Variants in COMMD1 observed in about 807,000 individuals in gnomAD.
COMMD1 encodes COMM domain-containing protein 1.
In COMMD1, 10 loss-of-function variants were observed where a neutral mutation model predicts 17.2. The ratio of observed to expected loss-of-function variants is 0.58; its 90% CI spans 0.36 to 0.99. COMMD1 has a LOEUF of 0.99. Among genes scored for constraint, COMMD1 ranks in the 50% least tolerant of loss-of-function variants. The pLI, the probability that COMMD1 is intolerant of heterozygous loss-of-function variation, is 0.01. For missense variants in COMMD1, 270 were observed against 231.8 expected (o/e 1.17, Z -1.07); for synonymous variants, 97 against 91.6 (o/e 1.06, Z -0.34).
At chr2:62,063,412 A>C (rs1280594116) in intron 2 of COMMD1, among the ~76,000 whole-genome samples, 1 of 151,814 alleles carries the variant, frequency 6.6e-6, no homozygotes, top group African/African-American at 2.4e-5. Flanking sequence ...GGATGGTCTT[A>C]ATCTCCTGAC....
chr2:62,002,985 C>A (rs1257530972), intron 2 of COMMD1, among the ~76,000 whole-genome samples: 1 of 152,160 alleles, frequency 6.6e-6, no homozygotes, highest in East Asian at 1.9e-4. Flanking sequence ...GTAATCCCAG[C>A]ACTTTGGGAG....
intron 1 of COMMD1, among the ~76,000 whole-genome samples, chr2:61,996,739 G>A (rs1668768620): frequency 6.6e-6 from 1 of 152,150 alleles, no homozygotes; most frequent in Non-Finnish European, 1.5e-5. Context: ...ATTCAAGTTT[G>A]ATCATAAGAT....
chr2:61,896,258 T>C (rs1381692529), intron 1 of COMMD1, among the ~76,000 whole-genome samples: 1 of 152,194 alleles, frequency 6.6e-6, no homozygotes, highest in Non-Finnish European at 1.5e-5. Context: ...CTCCAGTTCC[T>C]TTGCCACACT....
chr2:62,042,388 C>T (rs1270728546), intron 2 of COMMD1, among the ~76,000 whole-genome samples: 1 of 152,234 alleles, frequency 6.6e-6, no homozygotes, highest in Non-Finnish European at 1.5e-5. Flanking sequence ...AAGTCCCTAC[C>T]CAACCCAGAA....
chr2:61,980,824 C>G (rs1235076873), intron 1 of COMMD1, among the ~76,000 whole-genome samples: 1 of 152,116 alleles, frequency 6.6e-6, no homozygotes, highest in Non-Finnish European at 1.5e-5. Flanking sequence ...AGTCCTTGCC[C>G]ACGCCTATGG....
chr2:61,930,383 C>G (rs879801777), intron 1 of COMMD1, among the ~76,000 whole-genome samples: 1 of 152,026 alleles, frequency 6.6e-6, no homozygotes, highest in Non-Finnish European at 1.5e-5. Flanking sequence ...TGGTGAAACC[C>G]CATCTCTACT....
intron 2 of COMMD1, among the ~76,000 whole-genome samples, chr2:62,117,139 C>G (rs547235253): frequency 6.6e-6 from 1 of 152,088 alleles, no homozygotes; most frequent in Non-Finnish European, 1.5e-5. Context: ...GAATAAGAGA[C>G]CACCTTGCCT....
At chr2:62,103,471 C>T (rs1316204155) in intron 2 of COMMD1, among the ~76,000 whole-genome samples, 1 of 152,164 alleles carries the variant, frequency 6.6e-6, no homozygotes. Flanking sequence ...GCCCTTGGCC[C>T]CTACAGTATG....
chr2:61,901,246 C>G (rs1419771763), upstream of COMMD1, among the ~76,000 whole-genome samples: 1 of 151,752 alleles, frequency 6.6e-6, no homozygotes, highest in African/African-American at 2.4e-5. Flanking sequence ...TGCGCACGAC[C>G]AAAACACATT....
At position 62,081,559 on chromosome 2, in the gene COMMD1, T is replaced by C. The variant is rs546877532; in HGVS notation, c.463-54272T>C. 1.4e-4 allele frequency among the ~76,000 whole-genome samples: 21 copies of C among 150,642 alleles called. 1 individual carries two copies. The South Asian group carries it at 2.3e-3, about 17-fold the overall frequency. On this transcript the variant is annotated intron_variant, in intron 2 of 2. Coordinates refer to ENST00000311832, the MANE Select transcript of COMMD1 (RefSeq NM_152516.4). ...GCCACCGTGCCTGGCCCAATCTAGA[T>C]TTTTTTTTTAAATGATATCCCTTGT...
intron 1 of COMMD1, among the ~76,000 whole-genome samples, chr2:61,974,183 A>G (rs1224558005): frequency 6.6e-6 from 1 of 152,160 alleles, no homozygotes; most frequent in Non-Finnish European, 1.5e-5. Flanking sequence ...AATCCCAGCT[A>G]CTCAGGAGTC....
At chr2:62,047,853 A>T (rs1670423116) in intron 2 of COMMD1, among the ~76,000 whole-genome samples, 1 of 152,098 alleles carries the variant, frequency 6.6e-6, no homozygotes, top group African/African-American at 2.4e-5. Context: ...CTATGTTTAG[A>T]TACATAAAAT....
intron 1 of COMMD1, among the ~76,000 whole-genome samples, chr2:61,941,049 T>A (rs534602049): frequency 2.0e-5 from 3 of 151,002 alleles, no homozygotes; most frequent in Non-Finnish European, 2.9e-5. Flanking sequence ...CCCCCCTTTT[T>A]TTTTGGGATG....
At chr2:61,929,719 C>T (rs1359033962) in intron 1 of COMMD1, among the ~76,000 whole-genome samples, 3 of 152,156 alleles carry the variant, frequency 2.0e-5, no homozygotes, top group African/African-American at 4.8e-5. Flanking sequence ...ATCACTTGAG[C>T]CCAGGAGTTC....
intron 1 of COMMD1, among the ~76,000 whole-genome samples, chr2:61,909,916 G>T (rs1019555254): frequency 2.0e-5 from 3 of 152,182 alleles, no homozygotes; most frequent in Non-Finnish European, 4.4e-5. Flanking sequence ...CCTTCCCTCT[G>T]ACTTTCATGT....
chr2:62,011,933 G>A (rs754709747), intron 2 of COMMD1, among the ~76,000 whole-genome samples: 6 of 152,140 alleles, frequency 3.9e-5, no homozygotes, highest in Non-Finnish European at 5.9e-5. Flanking sequence ...TAGAGTTTAT[G>A]AACATATCTT....
At chr2:61,909,118 G>A (rs1203641831) in intron 1 of COMMD1, among the ~76,000 whole-genome samples, 3 of 151,838 alleles carry the variant, frequency 2.0e-5, no homozygotes, top group Admixed American at 1.3e-4. Context: ...AGTAGCGATG[G>A]GGTTTCTCCA....
chr2:61,953,928 A>G (rs1671124303), intron 1 of COMMD1, among the ~76,000 whole-genome samples: 1 of 152,018 alleles, frequency 6.6e-6, no homozygotes, highest in South Asian at 2.1e-4. Flanking sequence ...CACTTTAAAG[A>G]GTCTATTCAG....
At chr2:61,975,282 G>A (rs962275508) in intron 1 of COMMD1, among the ~76,000 whole-genome samples, 6 of 151,860 alleles carry the variant, frequency 4.0e-5, no homozygotes, top group Non-Finnish European at 4.4e-5. Context: ...CATTTTGGTT[G>A]CTTCTAACTT....
Sources: gnomAD v4.1 joint callset for allele counts (sites outside exome capture counted in the v4.1 genomes callset) on GRCh38, gnomAD v4.1.1 for gene constraint, MANE v1.5 for transcripts, NCBI Gene and HGNC (gene_info 2026-07-23, HGNC 2026-07-21) for gene names.